NPEPPS: variants seen among roughly 807,000 people sequenced by gnomAD.
NPEPPS encodes the protein aminopeptidase puromycin sensitive.
A neutral mutation model predicts 115.5 loss-of-function variants in NPEPPS; 14 were observed. The ratio of observed to expected loss-of-function variants is 0.12; its 90% CI spans 0.08 to 0.19. The LOEUF (loss-of-function observed/expected upper bound fraction) is 0.19. NPEPPS is among the 10% of genes least tolerant of loss of function. The pLI, the probability that NPEPPS is intolerant of heterozygous loss-of-function variation, is 1.00. For synonymous variants in NPEPPS, 285 were observed against 390.6 expected (o/e 0.73, Z 3.19); for missense variants, 523 against 1,110.8 (o/e 0.47, Z 7.52).
intron 19 of NPEPPS, 60 bp downstream of exon 19, chr17:47,613,785 A>G: frequency 2.4e-6 from 3 of 1,257,972 alleles, no homozygotes; most frequent in South Asian, 2.5e-5. Flanking sequence ...ACACACAGTA[A>G]ACCTCTAAAT....
chr17:47,539,614 G>C (rs1176141505), intron 1 of NPEPPS, among the ~76,000 whole-genome samples: 1 of 152,056 alleles, frequency 6.6e-6, no homozygotes, highest in Admixed American at 6.6e-5. Flanking sequence ...TCTTTCTTCA[G>C]GTAGGTGCGT....
At chr17:47,588,252 GAAAAA>G (rs1912306125) in intron 9 of NPEPPS, among the ~76,000 whole-genome samples, 1 of 152,078 alleles carries the variant, frequency 6.6e-6, no homozygotes, top group Non-Finnish European at 1.5e-5. Context: ...TTTTACAGGT[GAAAAA>G]AATTCTTTGA....
At chr17:47,561,996 T>C (rs979878413) in intron 2 of NPEPPS, among the ~76,000 whole-genome samples, 2 of 152,236 alleles carry the variant, frequency 1.3e-5, no homozygotes, top group Non-Finnish European at 2.9e-5. Flanking sequence ...TACAGAGAGC[T>C]TCCAGATAGC....
At chr17:47,596,318 A>G (rs1912875151) in intron 12 of NPEPPS, 35 bp from the exon 13 acceptor site, 2 of 1,293,980 alleles carry the variant, frequency 1.5e-6, no homozygotes, top group East Asian at 2.6e-5. Flanking sequence ...AAATAAAAAT[A>G]TAAACATTTT....
chr17:47,573,603 TC>T (rs1911330021), intron 3 of NPEPPS, among the ~76,000 whole-genome samples: 1 of 152,164 alleles, frequency 6.6e-6, no homozygotes, highest in Non-Finnish European at 1.5e-5. Flanking sequence ...ATGCCTGTAA[TC>T]CCAACACTTT....
At chr17:47,566,606 T>TCTC (rs1910835350) in intron 2 of NPEPPS, among the ~76,000 whole-genome samples, 1 of 150,842 alleles carries the variant, frequency 6.6e-6, no homozygotes, top group African/African-American at 2.4e-5. Flanking sequence ...TTCAAGTGAT[T>TCTC]CTCCTGCCTC....
At chr17:47,535,591 T>C (rs1012042488) in intron 1 of NPEPPS, among the ~76,000 whole-genome samples, 1 of 149,288 alleles carries the variant, frequency 6.7e-6, no homozygotes. Context: ...TTCACATTAG[T>C]GTGGTCTAGC....
chr17:47,589,069 C>T (rs1409280610), intron 9 of NPEPPS, among the ~76,000 whole-genome samples: 1 of 152,162 alleles, frequency 6.6e-6, no homozygotes, highest in East Asian at 1.9e-4. Context: ...GTGTGTGGCA[C>T]CATGCCCAGC....
At chr17:47,532,698 T>C (rs896714535) in intron 1 of NPEPPS, among the ~76,000 whole-genome samples, 11 of 150,102 alleles carry the variant, frequency 7.3e-5, no homozygotes, top group African/African-American at 2.7e-4. Context: ...AAAGAAGCTA[T>C]TAGTTATAAC....
chr17:47,533,736 A>G (rs1326150823), intron 1 of NPEPPS, among the ~76,000 whole-genome samples: 4 of 152,164 alleles, frequency 2.6e-5, no homozygotes, highest in South Asian at 2.1e-4. Flanking sequence ...TTGAGTGAGC[A>G]TATGGTAATA....
intron 2 of NPEPPS, among the ~76,000 whole-genome samples, chr17:47,548,624 C>T (rs1195344624): frequency 2.1e-5 from 3 of 141,094 alleles, no homozygotes; most frequent in South Asian, 2.3e-4. Flanking sequence ...GATGGAGTCT[C>T]GCTCTGTCGC....
intron 1 of NPEPPS, among the ~76,000 whole-genome samples, chr17:47,537,701 TAA>T (rs772361436): frequency 1.0e-4 from 14 of 140,304 alleles, no homozygotes; most frequent in Admixed American, 1.4e-4. Flanking sequence ...ACCCTGTCTT[TAA>T]AAAAAAAAAA....
intron 19 of NPEPPS, among the ~76,000 whole-genome samples, chr17:47,614,597 T>C (rs1394004992): frequency 1.3e-5 from 2 of 152,224 alleles, no homozygotes; most frequent in Non-Finnish European, 2.9e-5. Context: ...AAACTTTCCA[T>C]GTCCTCATAA....
chr17:47,578,574 CT>C (rs1319438868), intron 3 of NPEPPS, among the ~76,000 whole-genome samples: 4 of 152,018 alleles, frequency 2.6e-5, no homozygotes, highest in Non-Finnish European at 5.9e-5. Context: ...AAAAAGCTCA[CT>C]TTTTTGTCTA....
intron 17 of NPEPPS, among the ~76,000 whole-genome samples, chr17:47,612,081 T>G (rs899312007): frequency 6.6e-6 from 1 of 152,208 alleles, no homozygotes; most frequent in African/African-American, 2.4e-5. Context: ...CAATTTATTA[T>G]ACAAAGAGCA....
intron 1 of NPEPPS, among the ~76,000 whole-genome samples, chr17:47,534,970 C>A (rs1040553101): frequency 1.3e-5 from 2 of 151,908 alleles, no homozygotes; most frequent in African/African-American, 4.8e-5. Flanking sequence ...CTTGGCCGGG[C>A]ACGGTGGCTC....
intron 16 of NPEPPS, 54 bp downstream of exon 16, chr17:47,604,103 G>A: frequency 6.4e-7 from 1 of 1,551,518 alleles, no homozygotes; most frequent in Non-Finnish European, 8.8e-7. Context: ...AAAAGATTCT[G>A]TTTTTCCTGG....
At chr17:47,538,818 G>A (rs772624050) in intron 1 of NPEPPS, among the ~76,000 whole-genome samples, 33 of 152,214 alleles carry the variant, frequency 2.2e-4, no homozygotes, top group South Asian at 2.1e-3. Context: ...CTGAGCCACC[G>A]CACCCGGCCA....
intron 4 of NPEPPS, chr17:47,579,963 G>C (rs199703416): frequency 6.8e-6 from 1 of 147,384 alleles, no homozygotes; most frequent in Non-Finnish European, 1.5e-5. Flanking sequence ...GTGTGTGTGT[G>C]TATACACATA....
Sources: allele counts gnomAD v4.1 joint callset (sites outside exome capture counted in the v4.1 genomes callset), GRCh38; gene constraint gnomAD v4.1.1; transcripts MANE v1.5; gene names NCBI Gene and HGNC (gene_info 2026-07-23, HGNC 2026-07-21).